C19orf12: variants seen among roughly 807,000 people sequenced by gnomAD.
C19orf12 encodes chromosome 19 open reading frame 12, also known as protein C19orf12.
Under a neutral mutation model 3.8 loss-of-function variants are expected in C19orf12, and 2 were observed. That is an observed-to-expected ratio of 0.53 (90% CI 0.22 to 1.66). The LOEUF (loss-of-function observed/expected upper bound fraction) is 1.66, where lower values mean the gene tolerates loss of function less well. Among genes scored for constraint, C19orf12 ranks in the 40% most tolerant of loss-of-function variants. C19orf12 has a pLI of 0.20. For synonymous variants in C19orf12, 89 were observed against 84.6 expected (o/e 1.05, Z -0.28); for missense variants, 156 against 188.8 (o/e 0.83, Z 1.02).
At chr19:29,704,390 G>C (rs1233334008) in intron 2 of C19orf12, among the ~76,000 whole-genome samples, 2 of 152,156 alleles carry the variant, frequency 1.3e-5, no homozygotes, top group East Asian at 3.9e-4. Context: ...CTTGAACCCG[G>C]GAGGCAGAGG....
intron 1 of C19orf12, among the ~76,000 whole-genome samples, chr19:29,711,036 G>GTT (rs781530564): frequency 0.15 from 14,338 of 98,230 alleles, 1,625 homozygotes; most frequent in South Asian, 0.21. Context: ...ATACAGAGAG[G>GTT]TTTTTTTTTT....
intron 1 of C19orf12, among the ~76,000 whole-genome samples, chr19:29,710,669 A>G (rs2145646959): frequency 6.6e-6 from 1 of 152,338 alleles, no homozygotes; most frequent in East Asian, 1.9e-4. Flanking sequence ...CCCTGCTCAC[A>G]TAAGGGACTG....
In C19orf12 at chr19:29,702,973, C is replaced by A. The variant is rs201194487; in HGVS notation, c.165G>T (p.Gly55=). The change falls in exon 3 of 3, where the codon GGG becomes GGT. Residue 55 remains glycine, a synonymous_variant. Coordinates refer to ENST00000323670, the MANE Select transcript of C19orf12 (RefSeq NM_031448.6). The stretch of plus-strand genomic sequence containing the variant: ...AGGCACCTAACAGCCCCCCGACAGC[C>A]CCCCCTAGAAAACATGGAATCGTTC... ...VGGPPGLAVG[G]AVGGLLGAWM... 56 of 1,613,986 alleles carry A rather than the reference C, an allele frequency of 3.5e-5. No individual in the cohort carries two copies. The highest frequency in any genetic ancestry group is 1.3e-4 in the East Asian group (6 of 44,874).
intron 1 of C19orf12, among the ~76,000 whole-genome samples, chr19:29,712,640 A>G (rs1215671748): frequency 6.6e-6 from 1 of 152,138 alleles, no homozygotes; most frequent in Non-Finnish European, 1.5e-5. Context: ...CACCTTATGT[A>G]AATGAAGCAC....
Position 29,702,829 on chromosome 19 carries a change from G to A in C19orf12, c.309C>T (p.Asp103=), listed in dbSNP as rs755631346. The change falls in exon 3 of 3, where the codon GAC becomes GAT. Residue 103 remains aspartate, a synonymous_variant. Coordinates refer to ENST00000323670, the MANE Select transcript of C19orf12 (RefSeq NM_031448.6). ...AAIIRHLEWT[D]AVQLTALVMG... ...TGACCAGCGCGGTCAGCTGCACGGC[G>A]TCCGTCCACTCCAGGTGCCTGATGA... 1.5e-5 allele frequency: 25 copies of A among 1,613,936 alleles called. No individual in the cohort carries two copies. Among genetic ancestry groups the A allele is most frequent in the South Asian group, 9.9e-5 (9 of 91,082 alleles).
chr19:29,715,034 C>T, intron 1 of C19orf12, 91 bp downstream of exon 1: 1 of 695,670 alleles, frequency 1.4e-6, no homozygotes, highest in Non-Finnish European at 2.7e-6. Context: ...CAAGGCACTC[C>T]CGGGTCTCCA....
Position 29,699,445 on chromosome 19 carries a change from T to C in C19orf12, c.*3267A>G, listed in dbSNP as rs1390912246. On this transcript the variant is annotated 3_prime_UTR_variant, in exon 3 of 3. Transcript: ENST00000323670. ...TTGCAGTGAACCAAGATCGCGCTAC[T>C]GCACTCCAGCCCGGGCGACAGTGCG... 2.2e-5 allele frequency: 9 copies of C among 411,116 alleles called. No homozygotes were observed. The East Asian group carries it at 3.6e-4, about 16-fold the overall frequency. The allele number at this position is 411,116 out of a possible 1,614,324, so 25.5% of individuals were successfully genotyped here. A position where few individuals can be genotyped will look rare whatever the true frequency, so the allele number is the denominator to read the frequency against.
At chr19:29,709,040 A>G (rs1972526409) in intron 1 of C19orf12, among the ~76,000 whole-genome samples, 1 of 152,222 alleles carries the variant, frequency 6.6e-6, no homozygotes, top group South Asian at 2.1e-4. Context: ...CTCCCGACCC[A>G]GGATGGCTCT....
At position 29,699,788 on chromosome 19, in the gene C19orf12, A is replaced by G; in HGVS notation, c.*2924T>C. 1 of 452,014 alleles carries G rather than the reference A, an allele frequency of 2.2e-6. No homozygotes were observed. Among genetic ancestry groups the G allele is most frequent in the Non-Finnish European group, 4.4e-6 (1 of 226,354 alleles). The allele number at this position is 452,014 out of a possible 1,614,324, so 28.0% of individuals were successfully genotyped here. ...TCCCTTGCAGCTTGCGCCCTCCCGT[A>G]CCTTTTAAATTTTGTACCAGGCAGG... On this transcript the variant is annotated 3_prime_UTR_variant, in exon 3 of 3. Transcript: ENST00000323670.
rs1358503478 is a variant in C19orf12, at chr19:29,708,275, C to T, written c.139G>A (p.Gly47Ser). 2.5e-6 allele frequency: 4 copies of T among 1,612,736 alleles called. No homozygotes were observed. Among genetic ancestry groups the T allele is most frequent in the Non-Finnish European group, 3.4e-6 (4 of 1,179,992 alleles). Residue 47 changes from glycine (G) to serine (S), a missense_variant, in exon 2 of 3, where the codon GGC (glycine) becomes AGC (serine). Transcript: ENST00000323670. ...AMAFVGGLVG[G>S]PPGLAVGGAV... ...TTACCAACGGCGAGTCCCGGTGGGCCGCCCACCAAACCCCCGACGAAGGCC... is the reference window on the plus strand; with the variant it reads ...TTACCAACGGCGAGTCCCGGTGGGCTGCCCACCAAACCCCCGACGAAGGCC...
chr19:29,705,225 T>C, intron 2 of C19orf12: 2 of 380,094 alleles, frequency 5.3e-6, no homozygotes, highest in Non-Finnish European at 1.1e-5. Flanking sequence ...TCCAGTCCCA[T>C]CCTAAACACA....
intron 1 of C19orf12, among the ~76,000 whole-genome samples, chr19:29,714,168 G>A (rs538452109): frequency 6.6e-6 from 1 of 152,178 alleles, no homozygotes; most frequent in East Asian, 1.9e-4. Flanking sequence ...AACTACAGGT[G>A]CTATTCCAAG....
In C19orf12 at chr19:29,699,831, T is replaced by C. The variant is rs985843256; in HGVS notation, c.*2881A>G. 5.3e-5 allele frequency: 24 copies of C among 449,398 alleles called. No individual in the cohort carries two copies. The highest frequency in any genetic ancestry group is 4.6e-4 in the African/African-American group (23 of 49,556). 27.8% of individuals were successfully genotyped at this position (449,398 alleles called of 1,614,324 possible). ...CAGGCAGGTATTACTTATTCAAAAA[T>C]AAATAAATTTCTACAAAGAAGATAC... is the stretch of plus-strand genomic sequence containing the variant. On this transcript the variant is annotated 3_prime_UTR_variant, in exon 3 of 3. Transcript: ENST00000323670.
rs1157979411 is a variant in C19orf12, at chr19:29,708,270, T to C, written c.144A>G (p.Pro48=). ...TGCACTTACCAACGGCGAGTCCCGG[T>C]GGGCCGCCCACCAAACCCCCGACGA... The part of the protein sequence containing the change: ...MAFVGGLVGG[P]PGLAVGGAVG... Residue 48 remains proline, a synonymous_variant, in exon 2 of 3, where the codon CCA becomes CCG. Transcript: ENST00000323670. The C allele has an allele frequency of 6.2e-7, 1 of 1,612,318 alleles. No homozygotes were observed. The highest frequency in any genetic ancestry group is 1.1e-5 in the South Asian group (1 of 91,062).
Position 29,701,702 on chromosome 19 carries a change from T to A in C19orf12, c.*1010A>T, listed in dbSNP as rs575761108. 8.8e-5 allele frequency: 40 copies of A among 452,380 alleles called. 1 individual carries two copies. Among genetic ancestry groups the A allele is most frequent in the African/African-American group, 2.0e-4 (10 of 50,002 alleles). The allele number at this position is 452,380 out of a possible 1,614,324, so 28.0% of individuals were successfully genotyped here. ...CTTTGTGAATACTGTGTTTTTTTTT[T>A]AAATTGAAGGTTTGTAGCAGCCTGG... On this transcript the variant is annotated 3_prime_UTR_variant, in exon 3 of 3. Transcript: ENST00000323670.
intron 1 of C19orf12, among the ~76,000 whole-genome samples, chr19:29,714,566 C>G (rs1442799413): frequency 6.6e-6 from 1 of 152,150 alleles, no homozygotes; most frequent in Non-Finnish European, 1.5e-5. Context: ...CCCTTCCTGA[C>G]CAAATCTAAA....
At chr19:29,715,267 CG>C, upstream of C19orf12, 1 of 395,846 alleles carries the variant, frequency 2.5e-6, no homozygotes, top group Non-Finnish European at 4.9e-6. Flanking sequence ...GCGCTGGCCC[CG>C]CCCTCCGTCC....
chr19:29,702,711 C>T lies in C19orf12; in HGVS notation c.*1G>A, dbSNP rs761794570. The T allele has an allele frequency of 1.2e-6, 2 of 1,613,552 alleles. No individual in the cohort carries two copies. Among genetic ancestry groups the T allele is most frequent in the Admixed American group, 3.3e-5 (2 of 60,026 alleles). On this transcript the variant is annotated 3_prime_UTR_variant, in exon 3 of 3. Coordinates refer to ENST00000323670, the MANE Select transcript of C19orf12 (RefSeq NM_031448.6). ...GCCCCCCACCTCCCCGGAGGTGCGG[C>T]CTAGTCATCATACTGGATCTCGGCC... is the stretch of plus-strand genomic sequence containing the variant.
rs1328346316 is a variant in C19orf12 at position 29,702,119 on chromosome 19, G to A, written c.*593C>T. 2.2e-6 allele frequency: 1 copy of A among 451,090 alleles called. No homozygotes were observed. Among genetic ancestry groups the A allele is most frequent in the East Asian group, 7.0e-5 (1 of 14,356 alleles). 27.9% of individuals were successfully genotyped at this position (451,090 alleles called of 1,614,324 possible). ...GGTGTGCAGCCTAGTGGGGGCCGGGGTCAAGTCCACTCGGTATTTGTGGCT... is the reference window on the plus strand; with the variant it reads ...GGTGTGCAGCCTAGTGGGGGCCGGGATCAAGTCCACTCGGTATTTGTGGCT... On this transcript the variant is annotated 3_prime_UTR_variant, in exon 3 of 3. Coordinates refer to ENST00000323670, the MANE Select transcript of C19orf12 (RefSeq NM_031448.6).
Sources: gnomAD v4.1 joint callset for allele counts (sites outside exome capture counted in the v4.1 genomes callset) on GRCh38, gnomAD v4.1.1 for gene constraint, MANE v1.5 for transcripts, NCBI Gene and HGNC (gene_info 2026-07-23, HGNC 2026-07-21) for gene names.